Variants in HOXD3 observed in about 807,000 individuals in gnomAD.
HOXD3 encodes the protein homeobox D3, also known as homeobox protein Hox-D3.
In HOXD3, 13 loss-of-function variants were observed where a neutral mutation model predicts 32.8. That is an observed-to-expected ratio of 0.40 (90% CI 0.26 to 0.63). The LOEUF (loss-of-function observed/expected upper bound fraction) is 0.63, where lower values mean the gene tolerates loss of function less well. Among genes scored for constraint, HOXD3 ranks in the 20% least tolerant of loss-of-function variants. The pLI, the probability that HOXD3 is intolerant of heterozygous loss-of-function variation, is 0.44. For synonymous variants in HOXD3, 241 were observed against 246.8 expected (o/e 0.98, Z 0.22); for missense variants, 504 against 577.1 (o/e 0.87, Z 1.30).
chr2:176,162,830 G>A (rs978618072), intron 1 of HOXD3, among the ~76,000 whole-genome samples: 2 of 152,078 alleles, frequency 1.3e-5, no homozygotes, highest in Non-Finnish European at 2.9e-5. Context: ...TTCTTTTGAG[G>A]GGATGCTCCT....
rs1288276517 is a variant in HOXD3 at position 176,172,167 on chromosome 2, AACC to A, written c.1200_1202del (p.His401del). 2.5e-6 allele frequency: 4 copies of A among 1,613,072 alleles called. No individual in the cohort carries two copies. Among genetic ancestry groups the A allele is most frequent in the African/African-American group, 1.3e-5 (1 of 74,926 alleles). ...CAGTTGCGCCGCGCAGATTCCAGGC[AACC>A]ACCACCATGGACCTTGCGACCCTCA... On this transcript the variant is annotated inframe_deletion, in exon 4 of 4. Transcript: ENST00000683222.
At position 176,157,416 on chromosome 2, in the gene HOXD3, C is replaced by T. The variant is rs1490572811; in HGVS notation, c.-217C>T. Among the ~76,000 whole-genome samples the T allele has an allele frequency of 6.6e-6, 1 of 152,124 alleles. No individual in the cohort carries two copies. The highest frequency in any genetic ancestry group is 2.4e-5 in the African/African-American group (1 of 41,442). The stretch of plus-strand genomic sequence containing the variant: ...GCCGCGCGGTGCCCCCGGCCCTCCA[C>T]CCCCGGCCCCCGGCGGGCGCGGGAG... On this transcript the variant is annotated 5_prime_UTR_variant, in exon 1 of 4. Transcript: ENST00000683222.
intron 2 of HOXD3, among the ~76,000 whole-genome samples, chr2:176,168,150 C>T (rs946817391): frequency 1.3e-5 from 2 of 151,056 alleles, no homozygotes; most frequent in African/African-American, 2.4e-5. Flanking sequence ...ATCTGCCAGG[C>T]GCAGTGGCTC....
chr2:176,156,213 G>A (rs550616120), upstream of HOXD3, among the ~76,000 whole-genome samples: 85 of 152,290 alleles, frequency 5.6e-4, 1 homozygote, highest in African/African-American at 1.9e-3. Context: ...AAGTGTGAAG[G>A]TTAAACCATG....
chr2:176,152,870 C>T (rs377042003), upstream of HOXD3: 95 of 1,614,064 alleles, frequency 5.9e-5, no homozygotes, highest in Non-Finnish European at 7.1e-5. The surrounding 1 kb of genome is among the most constrained non-coding windows in gnomAD (Gnocchi z 5.2). Context: ...CATCTTGCTC[C>T]TCCTCAGTCG....
chr2:176,168,421 A>T (rs1052118255), intron 2 of HOXD3, among the ~76,000 whole-genome samples: 1 of 152,174 alleles, frequency 6.6e-6, no homozygotes, highest in Non-Finnish European at 1.5e-5. Context: ...ATAAAAAATT[A>T]GCCAGGTGTG....
chr2:176,157,595 CT>C (rs925527411), intron 1 of HOXD3, among the ~76,000 whole-genome samples, 143 bp downstream of exon 1: 1 of 152,114 alleles, frequency 6.6e-6, no homozygotes, highest in African/African-American at 2.4e-5. Flanking sequence ...GGATGGTGAC[CT>C]TTGGTTCAGC....
At chr2:176,168,923 T>C (rs979273852) in intron 2 of HOXD3, 108 bp from the exon 3 acceptor site, 3 of 734,666 alleles carry the variant, frequency 4.1e-6, no homozygotes, top group Non-Finnish European at 6.2e-6. Flanking sequence ...CTTGCCCATC[T>C]CCCCGCCGTG....
chr2:176,155,995 T>A (rs1460143567), upstream of HOXD3, among the ~76,000 whole-genome samples: 1 of 152,228 alleles, frequency 6.6e-6, no homozygotes, highest in East Asian at 1.9e-4. Context: ...CTGATTAAAG[T>A]ATTATTTATA....
rs1691235631 is a variant in HOXD3, at chr2:176,172,614, G to A, written c.*340G>A. ...GCGCCCTGCAGAGGGACCAGAGCTT[G>A]GAGAGTCTTGGGCCTGGCCCGCGTC... is the stretch of plus-strand genomic sequence containing the variant. On this transcript the variant is annotated 3_prime_UTR_variant, in exon 4 of 4. Transcript: ENST00000683222. 3.3e-6 allele frequency: 1 copy of A among 306,116 alleles called. No homozygotes were observed. The highest frequency in any genetic ancestry group is 2.1e-5 in the African/African-American group (1 of 46,514). 19.0% of individuals were successfully genotyped at this position (306,116 alleles called of 1,614,324 possible).
chr2:176,165,444 G>A (rs1014208731), intron 2 of HOXD3: 3 of 152,302 alleles, frequency 2.0e-5, no homozygotes, highest in Non-Finnish European at 2.9e-5. Flanking sequence ...GGAAGCGGGC[G>A]GTGGCCGCTC....
intron 1 of HOXD3, among the ~76,000 whole-genome samples, chr2:176,159,950 A>C (rs996843615): frequency 6.6e-6 from 1 of 152,212 alleles, no homozygotes; most frequent in African/African-American, 2.4e-5. Flanking sequence ...TGGGGTGCTC[A>C]GGGATCAGAG....
chr2:176,155,956 T>A (rs1052858030), upstream of HOXD3, among the ~76,000 whole-genome samples: 3 of 152,234 alleles, frequency 2.0e-5, no homozygotes, highest in South Asian at 2.1e-4. Context: ...GATGCTTTTT[T>A]AATAGAATTG....
chr2:176,152,943 A>T (rs1452380472), upstream of HOXD3: 1 of 1,613,928 alleles, frequency 6.2e-7, no homozygotes, highest in South Asian at 1.1e-5. The surrounding 1 kb of genome is among the most constrained non-coding windows in gnomAD (Gnocchi z 5.2). Flanking sequence ...GACCTTATAG[A>T]AGTGGGGACC....
chr2:176,153,131 TGGGAG>T, upstream of HOXD3: 1 of 347,152 alleles, frequency 2.9e-6, no homozygotes, highest in South Asian at 2.1e-5. Context: ...GGGATGGGGA[TGGGAG>T]GGGGGGCGGG....
At chr2:176,170,904 T>C (rs546410849) in intron 3 of HOXD3, among the ~76,000 whole-genome samples, 1 of 150,010 alleles carries the variant, frequency 6.7e-6, no homozygotes, top group South Asian at 2.1e-4. Context: ...AGTGTTTTTT[T>C]TTGTTTGTTT....
upstream of HOXD3, chr2:176,152,986 G>T (rs1690575203): frequency 6.3e-7 from 1 of 1,590,858 alleles, no homozygotes; most frequent in Admixed American, 1.7e-5. This position sits in a 1 kb window ranked among gnomAD's most constrained non-coding sequence, Gnocchi z 5.2. Context: ...ACCAGGCTGA[G>T]CCGAAGCTGC....
rs1390832449 is a variant in HOXD3 at position 176,171,835 on chromosome 2, C to A, written c.860C>A (p.Pro287Gln). Residue 287 changes from proline to glutamine, a missense_variant, in exon 4 of 4, where the codon CCG becomes CAG. Pro to Gln is a moderately conservative substitution (Grantham distance 76). Around this residue, in one of 3 missense-constraint regions of HOXD3, gnomAD observed 226 missense variants for 246.9 expected, o/e 0.92. Transcript: ENST00000683222. ...CACGTGGCCTACTCCGGCCAGCTGC[C>A]GCCAGTGCCCGGCCTGGCCTACGAC... ...AGHVAYSGQL[P>Q]PVPGLAYDAP... is the part of the protein sequence containing the mutation. 1 of 1,607,330 alleles carries A rather than the reference C, an allele frequency of 6.2e-7. No homozygotes were observed. The highest frequency in any genetic ancestry group is 8.5e-7 in the Non-Finnish European group (1 of 1,176,710).
At chr2:176,171,442 G>A in intron 3 of HOXD3, 75 bp from the exon 4 acceptor site, 2 of 1,341,304 alleles carry the variant, frequency 1.5e-6, no homozygotes. Context: ...AAGAGAACCA[G>A]GGAAGCACCC....
Sources: gnomAD v4.1 joint callset for allele counts (sites outside exome capture counted in the v4.1 genomes callset) on GRCh38, gnomAD v4.1.1 for gene constraint, gnomAD v4.1.1 regional missense constraint, Gnocchi (gnomAD v3.1) non-coding constraint, MANE v1.5 for transcripts, NCBI Gene and HGNC (gene_info 2026-07-23, HGNC 2026-07-21) for gene names.